RANBP2: variants seen among roughly 807,000 people sequenced by gnomAD.
RANBP2 encodes the protein E3 SUMO-protein ligase RanBP2.
Under a neutral mutation model 303.6 loss-of-function variants are expected in RANBP2, and 57 were observed. That is an observed-to-expected ratio of 0.19 (90% CI 0.15 to 0.23). The LOEUF is 0.23. Among genes scored for constraint, RANBP2 ranks in the 10% least tolerant of loss-of-function variants. The pLI, the probability that RANBP2 is intolerant of heterozygous loss-of-function variation, is 1.00. For synonymous variants in RANBP2, 1,167 were observed against 1,301.5 expected, an observed-to-expected ratio of 0.90 and a Z score of 2.23; for missense variants, 3,138 against 3,780.8, an observed-to-expected ratio of 0.83 and a Z score of 4.46.
At chr2:109,230,503 C>T in the RANBP2 span, among the ~76,000 whole-genome samples, 2 of 152,084 alleles carry the variant, frequency 1.3e-5, no homozygotes, top group African/African-American at 4.8e-5. Flanking sequence ...TTGCTTGAAC[C>T]TAGTAGGTAG....
At chr2:109,369,794 C>T in the RANBP2 span, among the ~76,000 whole-genome samples, 1 of 152,230 alleles carries the variant, frequency 6.6e-6, no homozygotes, top group Admixed American at 6.5e-5. Context: ...CTACGGCCCC[C>T]TCCGCTCCCG....
the RANBP2 span, among the ~76,000 whole-genome samples, chr2:109,223,587 G>A: frequency 6.6e-6 from 1 of 152,000 alleles, no homozygotes; most frequent in South Asian, 2.1e-4. Flanking sequence ...TTCAAGCATC[G>A]GTGGAGGGCA....
the RANBP2 span, among the ~76,000 whole-genome samples, chr2:109,653,512 A>T: frequency 6.6e-6 from 1 of 151,792 alleles, no homozygotes; most frequent in African/African-American, 2.4e-5. Context: ...GTAGCTTTTC[A>T]TCCTTCCCAC....
chr2:108,770,266 G>A (rs538901584), intron 20 of RANBP2, among the ~76,000 whole-genome samples: 1 of 152,180 alleles, frequency 6.6e-6, no homozygotes, highest in Admixed American at 6.5e-5. Context: ...TACCCAAGGT[G>A]TCTTTACTGA....
At chr2:108,962,749 T>C in the RANBP2 span, among the ~76,000 whole-genome samples, 6 of 151,034 alleles carry the variant, frequency 4.0e-5, no homozygotes, top group South Asian at 2.1e-4. Context: ...AGGCCAACTC[T>C]TCCTGGCATG....
the RANBP2 span, chr2:108,910,382 G>T: frequency 8.3e-7 from 1 of 1,201,588 alleles, no homozygotes; most frequent in Non-Finnish European, 1.2e-6. Context: ...CAGTTCACTC[G>T]GCTGCACCCT....
the RANBP2 span, among the ~76,000 whole-genome samples, chr2:109,586,242 G>C: frequency 6.6e-6 from 1 of 152,172 alleles, no homozygotes; most frequent in African/African-American, 2.4e-5. Context: ...TACAGGTTCA[G>C]CTCCTGGTAA....
chr2:109,166,586 C>T, the RANBP2 span, among the ~76,000 whole-genome samples: 110 of 152,150 alleles, frequency 7.2e-4, no homozygotes, highest in Middle Eastern at 6.8e-3. Flanking sequence ...AAAGATTATT[C>T]AGAAAAAATT....
the RANBP2 span, among the ~76,000 whole-genome samples, chr2:109,657,450 AAAAC>A: frequency 6.6e-6 from 1 of 152,140 alleles, no homozygotes; most frequent in African/African-American, 2.4e-5. Flanking sequence ...CCTGTCTCAA[AAAAC>A]AAACAAAAGC....
the RANBP2 span, among the ~76,000 whole-genome samples, chr2:108,831,708 C>CCTTCCTTCCTTT: frequency 6.9e-6 from 1 of 145,728 alleles, no homozygotes; most frequent in Admixed American, 6.8e-5. Context: ...AATCTTCCTT[C>CCTTCCTTCCTTT]CTTCCTTCCT....
the RANBP2 span, chr2:109,251,386 T>C: frequency 1.5e-6 from 1 of 671,946 alleles, no homozygotes; most frequent in South Asian, 1.4e-5. Flanking sequence ...TGTGCATTCC[T>C]TTCCAAGGCA....
the RANBP2 span, among the ~76,000 whole-genome samples, chr2:108,982,314 G>A: frequency 7.2e-5 from 11 of 152,230 alleles, no homozygotes; most frequent in African/African-American, 2.2e-4. Context: ...ACCCAGGGAG[G>A]TGGGTGGAAG....
At chr2:109,486,370 G>A in the RANBP2 span, among the ~76,000 whole-genome samples, 1 of 152,194 alleles carries the variant, frequency 6.6e-6, no homozygotes, top group South Asian at 2.1e-4. Context: ...GACCCTCAGT[G>A]GTTCGGGTGC....
At chr2:108,974,721 C>T in the RANBP2 span, among the ~76,000 whole-genome samples, 1,218 of 151,898 alleles carry the variant, frequency 8.0e-3, 6 homozygotes, top group Non-Finnish European at 0.014. Context: ...CAGAGCAAGA[C>T]TCCATCTCAA....
At chr2:108,906,049 G>A in the RANBP2 span, among the ~76,000 whole-genome samples, 1 of 146,658 alleles carries the variant, frequency 6.8e-6, no homozygotes, top group African/African-American at 2.8e-5. Context: ...TTTCCCTACA[G>A]TGGGTGCCTG....
the RANBP2 span, chr2:108,907,910 G>C: frequency 6.2e-7 from 1 of 1,613,698 alleles, no homozygotes; most frequent in South Asian, 1.1e-5. Flanking sequence ...AGGTGAACCA[G>C]CGACAGCAGG....
At chr2:109,247,882 G>C in the RANBP2 span, among the ~76,000 whole-genome samples, 1 of 152,224 alleles carries the variant, frequency 6.6e-6, no homozygotes, top group Non-Finnish European at 1.5e-5. Flanking sequence ...AGGCTAGCCT[G>C]GGCGTCTTCA....
the RANBP2 span, among the ~76,000 whole-genome samples, chr2:109,578,081 A>G: frequency 1.3e-5 from 2 of 152,154 alleles, no homozygotes; most frequent in African/African-American, 2.4e-5. Context: ...GATAATGTGT[A>G]AGAGAACCAC....
the RANBP2 span, among the ~76,000 whole-genome samples, chr2:109,674,706 G>A: frequency 2.6e-5 from 4 of 152,076 alleles, no homozygotes; most frequent in Non-Finnish European, 5.9e-5. Flanking sequence ...TCAATTACAG[G>A]CAGTATCTAC....
Sources: allele counts gnomAD v4.1 joint callset (sites outside exome capture counted in the v4.1 genomes callset), GRCh38; gene constraint gnomAD v4.1.1; transcripts MANE v1.5; gene names NCBI Gene and HGNC (gene_info 2026-07-23, HGNC 2026-07-21).